Variants in KRT8 observed in about 807,000 individuals in gnomAD.
The protein encoded by KRT8 is keratin, type II cytoskeletal 8.
In KRT8, 24 loss-of-function variants were observed where a neutral mutation model predicts 43.0. The ratio of observed to expected loss-of-function variants is 0.56; its 90% CI spans 0.40 to 0.78. The LOEUF is 0.78. Ranked by LOEUF, KRT8 falls within the 30% of genes least tolerant of loss-of-function variation. The pLI, the probability that KRT8 is intolerant of heterozygous loss-of-function variation, is 0.00. For missense variants in KRT8, 492 were observed against 638.4 expected (o/e 0.77, Z 2.47); for synonymous variants, 214 against 261.2 (o/e 0.82, Z 1.74).
chr12:52,939,080 G>A (rs1225988319), intron 2 of KRT8, among the ~76,000 whole-genome samples: 1 of 151,768 alleles, frequency 6.6e-6, no homozygotes, highest in African/African-American at 2.4e-5. Context: ...GCAAGACCCT[G>A]TATCTTAAAA....
At chr12:52,926,292 C>A in intron 2 of KRT8, 1 of 825,592 alleles carries the variant, frequency 1.2e-6, no homozygotes, top group Non-Finnish European at 1.9e-6. Flanking sequence ...AATTCCTCAT[C>A]TGGTGGCTGA....
chr12:52,907,777 G>A (rs1941552657), upstream of KRT8, among the ~76,000 whole-genome samples: 1 of 152,224 alleles, frequency 6.6e-6, no homozygotes, highest in Non-Finnish European at 1.5e-5. Context: ...CCTCGGTGCA[G>A]GAGAAGAGGC....
At chr12:52,931,434 A>G (rs138810735) in intron 2 of KRT8, among the ~76,000 whole-genome samples, 1,609 of 152,244 alleles carry the variant, frequency 0.011, 22 homozygotes, top group African/African-American at 0.037. Flanking sequence ...CTTGTTGTAG[A>G]GATCCAGCCC....
At chr12:52,918,424 C>T (rs1022760359) in intron 2 of KRT8, among the ~76,000 whole-genome samples, 3 of 152,086 alleles carry the variant, frequency 2.0e-5, no homozygotes, top group African/African-American at 7.2e-5. Flanking sequence ...TCCCACCAGG[C>T]CGAGATGGAA....
At chr12:52,900,855 C>T in intron 3 of KRT8, 172 bp from the exon 4 acceptor site, 1 of 658,814 alleles carries the variant, frequency 1.5e-6, no homozygotes, top group Non-Finnish European at 2.8e-6. Flanking sequence ...AGCCCACACA[C>T]CTTCACCTCT....
At chr12:52,922,931 C>T (rs1941917253) in intron 2 of KRT8, among the ~76,000 whole-genome samples, 1 of 152,132 alleles carries the variant, frequency 6.6e-6, no homozygotes, top group Non-Finnish European at 1.5e-5. Flanking sequence ...TTGAACTGAT[C>T]GGCCAACACC....
chr12:52,905,045 G>T (rs756720716), exon 1 of KRT8: 4 of 1,550,458 alleles, frequency 2.6e-6, no homozygotes, highest in Non-Finnish European at 8.7e-7. Flanking sequence ...GAGCGGAGAA[G>T]CTGCTTCTTG....
At chr12:52,911,504 T>C (rs1016482267), upstream of KRT8, among the ~76,000 whole-genome samples, 4 of 152,210 alleles carry the variant, frequency 2.6e-5, no homozygotes, top group Non-Finnish European at 1.5e-5. Flanking sequence ...GACAGACATA[T>C]AGTCACTTAT....
At chr12:52,914,608 A>G (rs1011292340) in intron 2 of KRT8, among the ~76,000 whole-genome samples, 15 of 152,146 alleles carry the variant, frequency 9.9e-5, no homozygotes, top group Admixed American at 8.5e-4. Context: ...GTGACTCCCA[A>G]AGTTACAGGT....
At chr12:52,949,704 G>A (rs761375972) in intron 1 of KRT8, 4 of 987,676 alleles carry the variant, frequency 4.0e-6, no homozygotes, top group Non-Finnish European at 6.4e-6. Context: ...CCGGGAGGGG[G>A]TTGGGCATAC....
At chr12:52,920,831 G>T (rs140418822) in intron 2 of KRT8, among the ~76,000 whole-genome samples, 1 of 152,302 alleles carries the variant, frequency 6.6e-6, no homozygotes, top group African/African-American at 2.4e-5. Flanking sequence ...TTGAGGCCAG[G>T]AGTTCAAGAC....
intron 2 of KRT8, among the ~76,000 whole-genome samples, chr12:52,917,833 T>C (rs1334489495): frequency 6.6e-6 from 1 of 151,046 alleles, no homozygotes; most frequent in East Asian, 1.9e-4. Context: ...TGAGCTGAGA[T>C]TGCGCCTCTG....
Position 52,931,565 on chromosome 12 carries a change from A to C in KRT8, c.-47+17891T>G, listed in dbSNP as rs1018809826. 2.6e-5 allele frequency among the ~76,000 whole-genome samples: 4 copies of C among 151,968 alleles called. No homozygotes were observed. The East Asian group carries it at 7.7e-4, about 29-fold the overall frequency. On this transcript the variant is annotated intron_variant, in intron 2 of 6. Transcript: ENST00000546826. ...AAAACTAAGGCAGTGCAAACTCTTCAAGGTCTAACAAGGCTCTTCTTGACC... is the reference window on the plus strand; with the variant it reads ...AAAACTAAGGCAGTGCAAACTCTTCCAGGTCTAACAAGGCTCTTCTTGACC...
chr12:52,898,785 C>A (rs1378919458), exon 6 of KRT8: 2 of 1,614,254 alleles, frequency 1.2e-6, no homozygotes, highest in Non-Finnish European at 1.7e-6. Flanking sequence ...CGCGCCATGT[C>A]CTGCTTGGCC....
At chr12:52,906,685 G>C (rs371925684), upstream of KRT8, 1 of 455,838 alleles carries the variant, frequency 2.2e-6, no homozygotes, top group South Asian at 1.5e-5. Context: ...AGATACTGCA[G>C]GGTGTGATGT....
chr12:52,906,991 T>C (rs1592168108), upstream of KRT8: 1 of 291,982 alleles, frequency 3.4e-6, no homozygotes, highest in South Asian at 3.3e-5. Context: ...CACGCGTGCA[T>C]ACACACACAC....
At chr12:52,904,835 G>A (rs776801180) in exon 1 of KRT8, 8 of 1,612,524 alleles carry the variant, frequency 5.0e-6, no homozygotes, top group Non-Finnish European at 5.1e-6. Flanking sequence ...CGCCGCCCAG[G>A]CCACCGCGAA....
At chr12:52,925,921 T>A (rs758800084) in intron 2 of KRT8, among the ~76,000 whole-genome samples, 3 of 152,026 alleles carry the variant, frequency 2.0e-5, no homozygotes, top group Non-Finnish European at 4.4e-5. Flanking sequence ...GGGCCCCAGG[T>A]AGGGGAGGAA....
At chr12:52,908,310 C>T (rs78239275), upstream of KRT8, among the ~76,000 whole-genome samples, 4 of 152,122 alleles carry the variant, frequency 2.6e-5, no homozygotes, top group Non-Finnish European at 5.9e-5. Context: ...ACTGCAAGCT[C>T]CGCCTCCCGG....
Sources: gnomAD v4.1 joint callset for allele counts (sites outside exome capture counted in the v4.1 genomes callset) on GRCh38, gnomAD v4.1.1 for gene constraint, MANE v1.5 for transcripts, NCBI Gene and HGNC (gene_info 2026-07-23, HGNC 2026-07-21) for gene names.